The following CACNA2D1 variants were observed in gnomAD, a reference collection of about 807,000 sequenced individuals.
CACNA2D1 encodes the protein voltage-dependent calcium channel subunit alpha-2/delta-1.
CACNA2D1 carries 53 observed loss-of-function variants against 171.5 expected under a neutral mutation model. The observed-to-expected ratio is 0.31, with a 90% confidence interval of 0.25 to 0.39. CACNA2D1 has a LOEUF of 0.39. Among genes scored for constraint, CACNA2D1 ranks in the 10% least tolerant of loss-of-function variants. The pLI, the probability that CACNA2D1 is intolerant of heterozygous loss-of-function variation, is 1.00. For missense variants in CACNA2D1, 903 were observed against 1,299.8 expected (o/e 0.69, Z 4.69); for synonymous variants, 442 against 443.1 (o/e 1.00, Z 0.03).
intron 1 of CACNA2D1, among the ~76,000 whole-genome samples, chr7:82,399,301 G>T (rs558044794): frequency 6.6e-6 from 1 of 151,992 alleles, no homozygotes; most frequent in Admixed American, 6.5e-5. Flanking sequence ...TTAGCCAGGC[G>T]TGGTGGGGGA....
intron 3 of CACNA2D1, among the ~76,000 whole-genome samples, chr7:82,269,477 C>T (rs548935781): frequency 9.2e-5 from 14 of 152,038 alleles, no homozygotes; most frequent in East Asian, 5.8e-4. Flanking sequence ...GTGTACCACC[C>T]GAAATTCTCT....
chr7:82,414,544 G>A (rs1489072848), intron 1 of CACNA2D1, among the ~76,000 whole-genome samples: 1 of 152,202 alleles, frequency 6.6e-6, no homozygotes, highest in Admixed American at 6.5e-5. Context: ...TTTGTGGGAA[G>A]CAAGAGCAGC....
intron 1 of CACNA2D1, among the ~76,000 whole-genome samples, chr7:82,415,986 G>A (rs61160065): frequency 0.032 from 4,791 of 151,906 alleles, 157 homozygotes; most frequent in East Asian, 0.12. Flanking sequence ...AGGCCAAGAC[G>A]GGTGGATTGC....
chr7:81,983,586 A>C (rs975727619), intron 22 of CACNA2D1, among the ~76,000 whole-genome samples: 1 of 152,184 alleles, frequency 6.6e-6, no homozygotes, highest in Non-Finnish European at 1.5e-5. Context: ...TCTGTTTTGC[A>C]AAGTGATTAA....
chr7:82,071,784 T>C (rs1808344683), intron 7 of CACNA2D1, among the ~76,000 whole-genome samples: 1 of 152,196 alleles, frequency 6.6e-6, no homozygotes, highest in Admixed American at 6.5e-5. Context: ...CCTGTCATGA[T>C]GTAGCCATGT....
intron 6 of CACNA2D1, among the ~76,000 whole-genome samples, chr7:82,095,412 A>G (rs1758418819): frequency 6.6e-6 from 1 of 152,144 alleles, no homozygotes; most frequent in African/African-American, 2.4e-5. Flanking sequence ...GGTAGGCACC[A>G]CGTTATTTTC....
rs17155805 is a variant in CACNA2D1 at position 82,067,630 on chromosome 7, T to C, written c.659-1106A>G. Among the ~76,000 whole-genome samples, 99 of 152,344 alleles carry C rather than the reference T, an allele frequency of 6.5e-4. 1 individual carries two copies. In the East Asian group the frequency reaches 0.015, roughly 23 times the overall value. ...AAATATAGCACTCTTCCAACCATTA[T>C]TGACACAATCAATGTAACTGAAATG... On this transcript the variant is annotated intron_variant, in intron 7 of 38. Transcript: ENST00000356860.
intron 10 of CACNA2D1, chr7:82,050,651 T>C (rs1259652104): frequency 5.7e-6 from 4 of 702,478 alleles, no homozygotes; most frequent in Admixed American, 4.0e-5. Context: ...TAAATCTGAA[T>C]AAATTGGCTG....
intron 1 of CACNA2D1, among the ~76,000 whole-genome samples, chr7:82,353,371 A>T (rs1398732584): frequency 6.6e-6 from 1 of 152,140 alleles, no homozygotes; most frequent in Non-Finnish European, 1.5e-5. Context: ...GAGAAATAAC[A>T]GTTTAAAGGG....
intron 6 of CACNA2D1, among the ~76,000 whole-genome samples, chr7:82,109,760 C>A (rs1406850236): frequency 6.6e-6 from 1 of 152,138 alleles, no homozygotes; most frequent in Middle Eastern, 3.2e-3. Flanking sequence ...AATAGGAAGA[C>A]AGAAGCATTT....
chr7:82,204,025 A>T (rs1799759549), intron 3 of CACNA2D1, among the ~76,000 whole-genome samples: 1 of 152,204 alleles, frequency 6.6e-6, no homozygotes, highest in Admixed American at 6.5e-5. Flanking sequence ...AGATAAGGCC[A>T]TGGGGCCTGA....
chr7:82,420,021 C>T (rs117969984), intron 1 of CACNA2D1, among the ~76,000 whole-genome samples: 3,197 of 152,238 alleles, frequency 0.021, 59 homozygotes, highest in Non-Finnish European at 0.031. Context: ...GCGCCCCCCG[C>T]CCTTCCACTT....
In CACNA2D1 at chr7:81,997,260, AAAC is replaced by A; in HGVS notation, c.1591-13_1591-11del. On this transcript the variant is annotated splice_polypyrimidine_tract_variant and intron_variant, in intron 18 of 38. Transcript: ENST00000356860. ...CCTGAGATTTGGGGTTCTACACAGA[AAAC>A]AATAATAATTAGGTACATGTAACAT... 2 of 1,518,000 alleles carry A rather than the reference AAAC, an allele frequency of 1.3e-6. No homozygotes were observed. The highest frequency in any genetic ancestry group is 1.8e-6 in the Non-Finnish European group (2 of 1,092,642). 94.0% of individuals were successfully genotyped at this position (1,518,000 alleles called of 1,614,324 possible). A position where few individuals can be genotyped will look rare whatever the true frequency, so the allele number is the denominator to read the frequency against.
intron 6 of CACNA2D1, 82 bp from the exon 7 acceptor site, chr7:82,084,982 T>C: frequency 1.7e-6 from 2 of 1,145,472 alleles, no homozygotes; most frequent in East Asian, 2.6e-5. Context: ...CAAAATAATA[T>C]TAAATATGTT....
At chr7:82,056,633 T>C (rs1805941272) in intron 10 of CACNA2D1, among the ~76,000 whole-genome samples, 2 of 152,100 alleles carry the variant, frequency 1.3e-5, no homozygotes, top group African/African-American at 4.8e-5. Context: ...CCCACGGGAA[T>C]AGTGTGATGC....
intron 10 of CACNA2D1, among the ~76,000 whole-genome samples, chr7:82,048,074 C>T (rs1036555494): frequency 6.6e-5 from 10 of 152,030 alleles, no homozygotes; most frequent in South Asian, 2.1e-4. Flanking sequence ...AGGATACATC[C>T]GCCTTTTAAG....
At chr7:82,435,023 T>C (rs1033294700) in intron 1 of CACNA2D1, among the ~76,000 whole-genome samples, 34 of 147,996 alleles carry the variant, frequency 2.3e-4, no homozygotes, top group Admixed American at 2.3e-3. Flanking sequence ...CAAACTCTCT[T>C]CAGATACTTT....
At chr7:82,079,054 C>T (rs947193118) in intron 7 of CACNA2D1, among the ~76,000 whole-genome samples, 8 of 152,272 alleles carry the variant, frequency 5.3e-5, no homozygotes, top group South Asian at 2.1e-4. Flanking sequence ...CCATTAATTA[C>T]GGAACTACTG....
rs1458886491 is a variant in CACNA2D1 at position 81,950,199 on chromosome 7, GTT to G, written c.*191_*192del. The G allele has an allele frequency of 1.5e-5, 14 of 909,430 alleles. No individual in the cohort carries two copies. The Middle Eastern group carries it at 1.0e-3, about 67-fold the overall frequency. The allele number at this position is 909,430 out of a possible 1,614,324, so 56.3% of individuals were successfully genotyped here. On this transcript the variant is annotated 3_prime_UTR_variant, in exon 39 of 39. Transcript: ENST00000356860. The stretch of plus-strand genomic sequence containing the variant: ...CATAGATGATGCAGCATTCACACAC[GTT>G]TAAGGATCTGACACCCTGACATGCA...
Sources: allele counts gnomAD v4.1 joint callset (sites outside exome capture counted in the v4.1 genomes callset), GRCh38; gene constraint gnomAD v4.1.1; transcripts MANE v1.5; gene names NCBI Gene and HGNC (gene_info 2026-07-23, HGNC 2026-07-21).